The following RBFOX3 variants were observed in gnomAD, a reference collection of about 807,000 sequenced individuals.
RBFOX3 encodes the protein RNA binding fox-1 homolog 3.
In RBFOX3, 17 loss-of-function variants were observed where a neutral mutation model predicts 48.7. The observed-to-expected ratio is 0.35, with a 90% CI of 0.24 to 0.52. The LOEUF (loss-of-function observed/expected upper bound fraction) is 0.52. Ranked by LOEUF, RBFOX3 falls within the 20% of genes least tolerant of loss-of-function variation. The pLI, the probability that RBFOX3 is intolerant of heterozygous loss-of-function variation, is 0.94. For missense variants in RBFOX3, 382 were observed against 497.5 expected (o/e 0.77, Z 2.21); for synonymous variants, 212 against 209.5 (o/e 1.01, Z -0.10).
At chr17:79,576,348 G>A (rs1436856185) in intron 1 of RBFOX3, among the ~76,000 whole-genome samples, 3 of 151,916 alleles carry the variant, frequency 2.0e-5, no homozygotes, top group East Asian at 2.0e-4. Context: ...AGAGATGATG[G>A]AGATGATGGA....
At chr17:79,102,735 A>G (rs1283398044) in intron 8 of RBFOX3, among the ~76,000 whole-genome samples, 1 of 152,042 alleles carries the variant, frequency 6.6e-6, no homozygotes. Flanking sequence ...GTGGGGGCAA[A>G]CTGCAGGGCC....
chr17:79,388,678 G>T (rs1311991468), intron 2 of RBFOX3, among the ~76,000 whole-genome samples: 1 of 152,178 alleles, frequency 6.6e-6, no homozygotes, highest in Non-Finnish European at 1.5e-5. Context: ...TGGCCACGGA[G>T]GATGTCCACG....
chr17:79,383,093 G>A (rs577133125), intron 2 of RBFOX3, among the ~76,000 whole-genome samples: 6 of 142,960 alleles, frequency 4.2e-5, no homozygotes, highest in South Asian at 2.2e-4. Context: ...AATCAATACC[G>A]CAGCCTTCAC....
At position 79,112,359 on chromosome 17, in the gene RBFOX3, G is replaced by A. The variant is rs143365186; in HGVS notation, c.222+3135C>T. On this transcript the variant is annotated intron_variant, in intron 5 of 14. Coordinates refer to ENST00000693108, the MANE Select transcript of RBFOX3 (RefSeq NM_001350451.2). ...ATCCCACCTGGGTGGTGGAGGTGTC[G>A]GGAAAGGCCCTGAGTTGGATGAACA... Among the ~76,000 whole-genome samples the A allele has an allele frequency of 2.0e-4, 30 of 152,210 alleles. No individual in the cohort carries two copies. In the East Asian group the frequency reaches 5.0e-3, roughly 25 times the overall value.
chr17:79,423,164 A>T lies in RBFOX3; in HGVS notation c.-175+59290T>A, dbSNP rs77761004. Among the ~76,000 whole-genome samples the T allele has an allele frequency of 6.6e-6, 1 of 152,246 alleles. No individual in the cohort carries two copies. The highest frequency in any genetic ancestry group is 1.9e-4 in the East Asian group (1 of 5,170). Reference sequence around the variant, plus strand: ...ACTAGTCACCCCCACCAGAGTTTTCAAACGTGTCTTGGCGTCACATGTCCA... The same window carrying T: ...ACTAGTCACCCCCACCAGAGTTTTCTAACGTGTCTTGGCGTCACATGTCCA... On this transcript the variant is annotated intron_variant, in intron 2 of 14. Transcript: ENST00000693108. The surrounding 1 kb of genome is among the most constrained non-coding windows in gnomAD (Gnocchi z 4.9).
chr17:79,554,526 C>T (rs894971494), intron 1 of RBFOX3, among the ~76,000 whole-genome samples: 5 of 151,870 alleles, frequency 3.3e-5, no homozygotes, highest in East Asian at 3.9e-4. Context: ...GCCCTTTCTT[C>T]GTGGGTGCTT....
chr17:79,452,036 G>A (rs2149149341), intron 2 of RBFOX3, among the ~76,000 whole-genome samples: 1 of 152,294 alleles, frequency 6.6e-6, no homozygotes, highest in South Asian at 2.1e-4. Flanking sequence ...TGTTCCCTGT[G>A]GCTACAGGGG....
At chr17:79,356,348 G>GTTTTTTTTTTTTTTTTTTTTTTTTTT (rs58040659) in intron 2 of RBFOX3, among the ~76,000 whole-genome samples, 2 of 47,270 alleles carry the variant, frequency 4.2e-5, no homozygotes, top group Non-Finnish European at 8.2e-5. Context: ...AAACAGGGAA[G>GTTTTTTTTTTTTTTTTTTTTTTTTTT]TTTTTTTTTT....
chr17:79,511,472 G>A (rs36046803), intron 1 of RBFOX3, among the ~76,000 whole-genome samples: 41,620 of 152,120 alleles, frequency 0.27, 7,105 homozygotes, highest in Non-Finnish European at 0.37. Flanking sequence ...GGAGGGCTCT[G>A]TGAGCAAGAG....
chr17:79,616,051 G>A (rs1275616472), upstream of RBFOX3, among the ~76,000 whole-genome samples: 4 of 152,282 alleles, frequency 2.6e-5, no homozygotes, highest in South Asian at 2.1e-4. Flanking sequence ...TAGAAGGATC[G>A]AGGAAAGCAA....
the RBFOX3 span, among the ~76,000 whole-genome samples, chr17:79,625,267 A>G: frequency 5.9e-5 from 9 of 152,038 alleles, no homozygotes; most frequent in African/African-American, 1.7e-4. Flanking sequence ...CACAGTACAT[A>G]CTTCTTTGTT....
chr17:79,393,087 A>G (rs529874003), intron 2 of RBFOX3, among the ~76,000 whole-genome samples: 1 of 152,218 alleles, frequency 6.6e-6, no homozygotes, highest in Non-Finnish European at 1.5e-5. Flanking sequence ...CTGTGCCCCC[A>G]AAATATGTAG....
chr17:79,172,104 G>A (rs1325468508), intron 4 of RBFOX3, among the ~76,000 whole-genome samples: 1 of 150,172 alleles, frequency 6.7e-6, no homozygotes, highest in African/African-American at 2.5e-5. Context: ...AACCCGGGAG[G>A]TGGAGGTTGC....
At chr17:79,316,710 C>T (rs2077588496) in intron 2 of RBFOX3, among the ~76,000 whole-genome samples, 1 of 152,198 alleles carries the variant, frequency 6.6e-6, no homozygotes, top group Admixed American at 6.5e-5. Context: ...GTGACAGTTT[C>T]CACATTTAGG....
At chr17:79,655,339 G>T in the RBFOX3 span, among the ~76,000 whole-genome samples, 1 of 152,146 alleles carries the variant, frequency 6.6e-6, no homozygotes, top group Non-Finnish European at 1.5e-5. Context: ...GAGGCTGTGT[G>T]CCCAGGGAAA....
chr17:79,533,104 C>T (rs374348607), intron 1 of RBFOX3, among the ~76,000 whole-genome samples: 1 of 152,246 alleles, frequency 6.6e-6, no homozygotes, highest in Admixed American at 6.5e-5. Flanking sequence ...AGAGGCGTTG[C>T]CCCCATTTTC....
At chr17:79,093,769 G>A (rs1025024199) in intron 14 of RBFOX3, among the ~76,000 whole-genome samples, 1 of 150,348 alleles carries the variant, frequency 6.7e-6, no homozygotes, top group Non-Finnish European at 1.5e-5. Context: ...GAGTGAGCTG[G>A]GCTGCACGTG....
chr17:79,636,882 T>TA, the RBFOX3 span, among the ~76,000 whole-genome samples: 24 of 151,962 alleles, frequency 1.6e-4, no homozygotes, highest in East Asian at 5.8e-4. Context: ...TGAGTGGATT[T>TA]AAAAAAAACA....
intron 9 of RBFOX3, chr17:79,098,198 C>A (rs1401710533): frequency 1.2e-5 from 2 of 169,642 alleles, no homozygotes; most frequent in Non-Finnish European, 2.6e-5. Flanking sequence ...GGCGCTTGGA[C>A]TCTGCCCATA....
Sources: gnomAD v4.1 joint callset for allele counts (sites outside exome capture counted in the v4.1 genomes callset) on GRCh38, gnomAD v4.1.1 for gene constraint, Gnocchi (gnomAD v3.1) non-coding constraint, MANE v1.5 for transcripts, NCBI Gene and HGNC (gene_info 2026-07-23, HGNC 2026-07-21) for gene names.